The following TTC33 variants were observed in gnomAD, a reference collection of about 807,000 sequenced individuals.
TTC33 encodes the protein tetratricopeptide repeat protein 33.
In TTC33, 24 loss-of-function variants were observed where a neutral mutation model predicts 29.4. The observed-to-expected ratio is 0.82, with a 90% CI of 0.59 to 1.15. TTC33 has a LOEUF of 1.15. TTC33 is among the 50% of genes most tolerant of loss of function. The probability of loss-of-function intolerance (pLI) is 0.00; values close to 1 mark genes in which losing one functional copy is unlikely to be tolerated. For synonymous variants in TTC33, 107 were observed against 100.3 expected (o/e 1.07, Z -0.40); for missense variants, 286 against 310.4 (o/e 0.92, Z 0.59).
intron 2 of TTC33, among the ~76,000 whole-genome samples, chr5:40,744,281 T>C (rs1742751444): frequency 6.6e-6 from 1 of 152,218 alleles, no homozygotes; most frequent in African/African-American, 2.4e-5. Context: ...TTGATCTTGA[T>C]TGCTATTTAT....
At chr5:40,723,643 T>C (rs1742209307) in intron 4 of TTC33, among the ~76,000 whole-genome samples, 1 of 152,014 alleles carries the variant, frequency 6.6e-6, no homozygotes, top group African/African-American at 2.4e-5. Context: ...GGTGGGCGGA[T>C]CACCTGAGAC....
At chr5:40,717,695 T>C (rs531091704) in intron 4 of TTC33, among the ~76,000 whole-genome samples, 1 of 152,348 alleles carries the variant, frequency 6.6e-6, no homozygotes, top group Non-Finnish European at 1.5e-5. Flanking sequence ...GGTCTAAATC[T>C]ATTATATGTT....
chr5:40,722,039 A>C (rs1304845614), intron 4 of TTC33, among the ~76,000 whole-genome samples: 4 of 152,204 alleles, frequency 2.6e-5, no homozygotes, highest in Non-Finnish European at 4.4e-5. Flanking sequence ...CAATATCACT[A>C]ATCAGGGAAA....
intron 1 of TTC33, among the ~76,000 whole-genome samples, chr5:40,751,976 A>T (rs1394165646): frequency 6.6e-6 from 1 of 152,062 alleles, no homozygotes; most frequent in Non-Finnish European, 1.5e-5. Context: ...AAAAAAAAAA[A>T]AAGAAAATCT....
chr5:40,722,188 G>A (rs1445014923), intron 4 of TTC33, among the ~76,000 whole-genome samples: 2 of 152,032 alleles, frequency 1.3e-5, no homozygotes, highest in Non-Finnish European at 2.9e-5. Context: ...CTGGGTGACA[G>A]AGGGAGACTC....
chr5:40,718,696 C>T (rs1219309773), intron 4 of TTC33, among the ~76,000 whole-genome samples: 1 of 151,968 alleles, frequency 6.6e-6, no homozygotes, highest in Non-Finnish European at 1.5e-5. Context: ...CGAGATTGCA[C>T]CACCGCACTT....
chr5:40,731,577 G>A (rs1742428172), intron 2 of TTC33, among the ~76,000 whole-genome samples: 1 of 152,204 alleles, frequency 6.6e-6, no homozygotes, highest in Non-Finnish European at 1.5e-5. Flanking sequence ...AGCAAACAGG[G>A]AAGCCCCTTA....
At chr5:40,742,433 A>G (rs1742714173) in intron 2 of TTC33, among the ~76,000 whole-genome samples, 1 of 152,216 alleles carries the variant, frequency 6.6e-6, no homozygotes, top group Admixed American at 6.5e-5. Flanking sequence ...ATTGAGGTAG[A>G]TATTTTCTGC....
chr5:40,732,735 A>C (rs957296168), intron 2 of TTC33, among the ~76,000 whole-genome samples: 2 of 151,968 alleles, frequency 1.3e-5, no homozygotes, highest in African/African-American at 4.8e-5. Flanking sequence ...CAGCCCCCCG[A>C]GTGGCTGGGA....
intron 4 of TTC33, among the ~76,000 whole-genome samples, chr5:40,718,826 A>AAGAAGCAG (rs1742065606): frequency 6.6e-6 from 1 of 151,540 alleles, no homozygotes; most frequent in Non-Finnish European, 1.5e-5. Flanking sequence ...ACTTGAACCC[A>AAGAAGCAG]AGAAGCAGAG....
chr5:40,749,620 T>A (rs1421364800), intron 1 of TTC33, among the ~76,000 whole-genome samples: 1 of 152,222 alleles, frequency 6.6e-6, no homozygotes, highest in African/African-American at 2.4e-5. Flanking sequence ...GCTGAAGTGA[T>A]GTATAAGTAC....
intron 4 of TTC33, among the ~76,000 whole-genome samples, chr5:40,718,990 T>C (rs1742069209): frequency 6.6e-6 from 1 of 152,210 alleles, no homozygotes; most frequent in South Asian, 2.1e-4. Flanking sequence ...TCCACCTATA[T>C]AGAAGTGTTA....
chr5:40,751,391 A>T (rs1742892298), intron 1 of TTC33, among the ~76,000 whole-genome samples: 1 of 152,260 alleles, frequency 6.6e-6, no homozygotes, highest in African/African-American at 2.4e-5. Context: ...TAAAATATTC[A>T]GTAAACCATG....
intron 2 of TTC33, among the ~76,000 whole-genome samples, chr5:40,745,346 T>A (rs1447727073): frequency 6.6e-6 from 1 of 152,024 alleles, no homozygotes; most frequent in African/African-American, 2.4e-5. Context: ...ACATGAGGAA[T>A]TAGGAGTAGG....
chr5:40,718,147 T>G (rs185894477), intron 4 of TTC33, among the ~76,000 whole-genome samples: 3 of 152,142 alleles, frequency 2.0e-5, no homozygotes, highest in Non-Finnish European at 4.4e-5. Context: ...AGATACATGA[T>G]GGCTCACGCC....
rs142188985 is a variant in TTC33, at chr5:40,746,913, C to T, written c.106G>A (p.Asp36Asn). ...AADEKDVVDN[D>N]EGNWLHAIKR... ...ATGGCATGAAGCCAGTTCCCTTCATCGTTGTCAACTACATCCTTCTCATCA... is the reference window on the plus strand; with the variant it reads ...ATGGCATGAAGCCAGTTCCCTTCATTGTTGTCAACTACATCCTTCTCATCA... Residue 36 changes from aspartate (D) to asparagine (N), a missense_variant, in exon 2 of 5, where the codon GAT becomes AAT. By Grantham distance (23) the Asp-to-Asn change is conservative. Coordinates refer to ENST00000337702, the MANE Select transcript of TTC33 (RefSeq NM_012382.3). 5.0e-6 allele frequency: 8 copies of T among 1,614,206 alleles called. No homozygotes were observed. Among genetic ancestry groups the T allele is most frequent in the Middle Eastern group, 1.6e-4 (1 of 6,062 alleles).
At chr5:40,753,475 A>G (rs374890811) in intron 1 of TTC33, among the ~76,000 whole-genome samples, 16 of 152,132 alleles carry the variant, frequency 1.1e-4, no homozygotes, top group African/African-American at 3.4e-4. Flanking sequence ...TGGAGGACTA[A>G]TGGATTATAA....
intron 4 of TTC33, among the ~76,000 whole-genome samples, chr5:40,724,021 C>T (rs1742219863): frequency 4.6e-5 from 7 of 152,190 alleles, no homozygotes. Context: ...AAAGCTATCT[C>T]ATTTCTGGAT....
In TTC33 at chr5:40,713,655, G is replaced by GTAGACACA. The variant is rs1579663959; in HGVS notation, c.*2489_*2490insTGTGTCTA. Among the ~76,000 whole-genome samples, 3 of 152,252 alleles carry GTAGACACA rather than the reference G, an allele frequency of 2.0e-5. No individual in the cohort carries two copies. Among genetic ancestry groups the GTAGACACA allele is most frequent in the East Asian group, 3.9e-4 (2 of 5,184 alleles). The stretch of plus-strand genomic sequence containing the variant: ...TTGTGTTATCAGGCATGGTCTGGAT[G>GTAGACACA]TCTAGACACTCTGACTAATGAGTGT... On this transcript the variant is annotated 3_prime_UTR_variant, in exon 5 of 5. Transcript: ENST00000337702.
Sources: gnomAD v4.1 joint callset for allele counts (sites outside exome capture counted in the v4.1 genomes callset) on GRCh38, gnomAD v4.1.1 for gene constraint, MANE v1.5 for transcripts, NCBI Gene and HGNC (gene_info 2026-07-23, HGNC 2026-07-21) for gene names.